Variants in ZNF235 observed in about 807,000 individuals in gnomAD.
The protein encoded by ZNF235 is zfp-93.
In ZNF235, 25 loss-of-function variants were observed where a neutral mutation model predicts 29.4. That is an observed-to-expected ratio of 0.85 (90% CI 0.62 to 1.19). The LOEUF is 1.19. Among genes scored for constraint, ZNF235 ranks in the 50% most tolerant of loss-of-function variants. The pLI is 0.00. For synonymous variants in ZNF235, 300 were observed against 295.3 expected (o/e 1.02, Z -0.16); for missense variants, 788 against 885.0 (o/e 0.89, Z 1.39).
chr19:44,288,180 G>C lies in ZNF235; in HGVS notation c.1255C>G (p.Gln419Glu). ...GKGFTQRSHL[Q>E]AHERIHTGEK... The stretch of plus-strand genomic sequence containing the variant: ...CCAGTGTGAATTCTTTCATGGGCCT[G>C]AAGATGTGATCTCTGAGTGAAGCCC... Residue 419 changes from glutamine to glutamate, a missense_variant, in exon 5 of 5, where the codon CAG becomes GAG. By Grantham distance (29) the Gln-to-Glu change is conservative. Transcript: ENST00000291182. 1 of 1,614,054 alleles carries C rather than the reference G, an allele frequency of 6.2e-7. No homozygotes were observed. The highest frequency in any genetic ancestry group is 8.5e-7 in the Non-Finnish European group (1 of 1,179,994).
intron 2 of ZNF235, among the ~76,000 whole-genome samples, chr19:44,301,280 T>A (rs1486441788): frequency 4.6e-5 from 7 of 152,162 alleles, no homozygotes; most frequent in Admixed American, 2.0e-4. Context: ...ACACTGCACA[T>A]CCCTGCATTT....
In ZNF235 at chr19:44,292,382, C is replaced by CT. The variant is rs900718748; in HGVS notation, c.239-3187dup. Among the ~76,000 whole-genome samples, 43 of 151,194 alleles carry CT rather than the reference C, an allele frequency of 2.8e-4. No individual in the cohort carries two copies. In the Middle Eastern group the frequency reaches 0.01, roughly 36 times the overall value. On this transcript the variant is annotated intron_variant, in intron 4 of 4. Coordinates refer to ENST00000291182, the MANE Select transcript of ZNF235 (RefSeq NM_004234.4). Reference sequence around the variant, plus strand: ...TTACCAAAGAGAAAGAGATAGGTATCTTTTTTTTAAAAAGCCAAACAAATA... The same window carrying CT: ...TTACCAAAGAGAAAGAGATAGGTATCTTTTTTTTTAAAAAGCCAAACAAATA...
intron 4 of ZNF235, among the ~76,000 whole-genome samples, chr19:44,295,831 C>G (rs1439749125): frequency 1.3e-5 from 2 of 152,062 alleles, no homozygotes; most frequent in Admixed American, 1.3e-4. Flanking sequence ...AAAAAACATA[C>G]ACTGGGGAAA....
rs1975784485 is a variant in ZNF235, at chr19:44,303,410, C to T, written c.-6G>A. The T allele has an allele frequency of 1.2e-6, 2 of 1,610,120 alleles. No individual in the cohort carries two copies. The highest frequency in any genetic ancestry group is 1.3e-5 in the African/African-American group (1 of 74,650). ...CTTACCTGGAACTTGGTCATTTTTCCCCTCCTCCTTCTGGGAAAAGGCAGA... is the reference window on the plus strand; with the variant it reads ...CTTACCTGGAACTTGGTCATTTTTCTCCTCCTCCTTCTGGGAAAAGGCAGA... On this transcript the variant is annotated 5_prime_UTR_variant, in exon 2 of 5. Coordinates refer to ENST00000291182, the MANE Select transcript of ZNF235 (RefSeq NM_004234.4).
chr19:44,287,263 T>C lies in ZNF235; in HGVS notation c.2172A>G (p.Ser724=), dbSNP rs1170163381. Residue 724 remains serine (S), a synonymous_variant, in exon 5 of 5, where the codon TCA becomes TCG. Coordinates refer to ENST00000291182, the MANE Select transcript of ZNF235 (RefSeq NM_004234.4). ...DVCCKGFSQR[S]HLIYHQRVHT... is the part of the protein sequence containing the mutation. ...GGACTCTCTGATGGTAGATGAGATGTGACCTCTGACTGAAGCCCTTACAAC... is the reference window on the plus strand; with the variant it reads ...GGACTCTCTGATGGTAGATGAGATGCGACCTCTGACTGAAGCCCTTACAAC... 6.2e-7 allele frequency: 1 copy of C among 1,612,386 alleles called. No individual in the cohort carries two copies. The highest frequency in any genetic ancestry group is 8.5e-7 in the Non-Finnish European group (1 of 1,178,890).
rs1491352405 is a variant in ZNF235 at position 44,302,991 on chromosome 19, AAT to A, written c.15+397_15+398del. On this transcript the variant is annotated intron_variant, in intron 2 of 4. Transcript: ENST00000291182. ...GTATATATGTATATATTTATATATA[AAT>A]ATATACATATATACGTATATATTTA... 9.6e-3 allele frequency among the ~76,000 whole-genome samples: 1,108 copies of A among 114,936 alleles called. 13 individuals are homozygous for A. Among genetic ancestry groups the A allele is most frequent in the African/African-American group, 0.042 (1,037 of 24,482 alleles). The allele number at this position is 114,936 out of a possible 152,430, so 75.4% of individuals were successfully genotyped here.
rs1301126599 is a variant in ZNF235 at position 44,304,980 on chromosome 19, AGAT to A, written c.-61_-59del. On this transcript the variant is annotated 5_prime_UTR_variant, in exon 1 of 5. Transcript: ENST00000291182. ...CCCGGAGCTGACTCACCTCCCTGGG[AGAT>A]ATCTCAGATCCGACCTCGCCTTCCT... 2.0e-6 allele frequency: 2 copies of A among 979,190 alleles called. No individual in the cohort carries two copies. The highest frequency in any genetic ancestry group is 3.5e-5 in the African/African-American group (2 of 57,124). The allele number at this position is 979,190 out of a possible 1,614,324, so 60.7% of individuals were successfully genotyped here.
chr19:44,301,578 T>C (rs1158819573), intron 2 of ZNF235, among the ~76,000 whole-genome samples: 1 of 152,050 alleles, frequency 6.6e-6, no homozygotes, highest in Non-Finnish European at 1.5e-5. Context: ...TCAAGCAATT[T>C]TCCTGCCTCA....
intron 2 of ZNF235, among the ~76,000 whole-genome samples, 171 bp downstream of exon 2, chr19:44,303,217 ATC>A (rs369957318): frequency 1.4e-4 from 19 of 140,456 alleles, no homozygotes; most frequent in African/African-American, 2.3e-4. Context: ...ATATATATAT[ATC>A]TCTCTGTTAA....
rs2123086676 is a variant in ZNF235 at position 44,286,668 on chromosome 19, G to C, written c.*550C>G. On this transcript the variant is annotated 3_prime_UTR_variant, in exon 5 of 5. Transcript: ENST00000291182. ...CTAACGTTATTAAGGCTACTTGCAG[G>C]ATTCCTTTTGAATATAAATTAATAT... 1.3e-5 allele frequency: 2 copies of C among 152,354 alleles called. No homozygotes were observed. Among genetic ancestry groups the C allele is most frequent in the South Asian group, 4.1e-4 (2 of 4,826 alleles). 9.4% of individuals were successfully genotyped at this position (152,354 alleles called of 1,614,324 possible).
intron 4 of ZNF235, chr19:44,290,336 C>A: frequency 6.5e-6 from 1 of 153,054 alleles, no homozygotes; most frequent in Non-Finnish European, 1.5e-5. Context: ...CAGGAGAAGC[C>A]AAAAATTAAG....
chr19:44,304,751 G>T, intron 1 of ZNF235: 2 of 985,468 alleles, frequency 2.0e-6, no homozygotes, highest in Non-Finnish European at 2.4e-6. Flanking sequence ...GGTGCGTGAG[G>T]ACGGCTAGGG....
Position 44,287,740 on chromosome 19 carries a change from G to A in ZNF235, c.1695C>T (p.His565=), listed in dbSNP as rs749894414. ...SLNLHNHQRV[H]TGEKPYKCEE... is the part of the protein sequence containing the mutation. The stretch of plus-strand genomic sequence containing the variant: ...CACATTTGTAGGGTTTCTCTCCGGT[G>A]TGGACTCTCTGATGATTGTGAAGAT... Residue 565 remains histidine, a synonymous_variant, in exon 5 of 5, where the codon CAC becomes CAT. Transcript: ENST00000291182. The A allele has an allele frequency of 9.9e-6, 16 of 1,613,996 alleles. No individual in the cohort carries two copies. The Admixed American group carries it at 2.3e-4, about 24-fold the overall frequency.
At position 44,289,123 on chromosome 19, in the gene ZNF235, T is replaced by A. The variant is rs751992899; in HGVS notation, c.312A>T (p.Ser104=). The A allele has an allele frequency of 1.9e-6, 3 of 1,614,040 alleles. No individual in the cohort carries two copies. Among genetic ancestry groups the A allele is most frequent in the Non-Finnish European group, 2.5e-6 (3 of 1,180,026 alleles). Residue 104 remains serine, a synonymous_variant, in exon 5 of 5, where the codon TCA becomes TCT. Transcript: ENST00000291182. ...CAATGTGTCTCTTGATTTGCCAGCA[T>A]GAAAGCTCTCCCAGTGAAAAGCACC... ...GLRCFSLGEL[S]CWQIKRHIAS...
chr19:44,299,101 A>C (rs1414545372), intron 3 of ZNF235, among the ~76,000 whole-genome samples, 198 bp from the exon 4 acceptor site: 1 of 152,050 alleles, frequency 6.6e-6, no homozygotes, highest in African/African-American at 2.4e-5. Context: ...TATTGAAATA[A>C]AAGGTTAAAG....
intron 1 of ZNF235, 189 bp downstream of exon 1, chr19:44,304,782 A>C: frequency 4.1e-6 from 4 of 985,444 alleles, no homozygotes; most frequent in Non-Finnish European, 4.8e-6. Flanking sequence ...TCAACCTCGA[A>C]GGACGACGCG....
At chr19:44,301,004 AT>A (rs760655055) in intron 2 of ZNF235, among the ~76,000 whole-genome samples, 187 of 148,578 alleles carry the variant, frequency 1.3e-3, no homozygotes, top group Middle Eastern at 0.01. Context: ...AAAACTGGAC[AT>A]TTTTTTTTTT....
chr19:44,287,219 TAC>T lies in ZNF235; in HGVS notation c.2214_2215del (p.Ter739GlufsTer39). On this transcript the variant is annotated frameshift_variant and stop_lost, in exon 5 of 5. Coordinates refer to ENST00000291182, the MANE Select transcript of ZNF235 (RefSeq NM_004234.4). LOFTEE classifies it high-confidence loss of function. ...AAGGCTGAACCACACCTCTCATTTC[TAC>T]AGATTCCCTCCAGTGTGGACTCTCT... The T allele has an allele frequency of 3.8e-6, 6 of 1,586,404 alleles. No individual in the cohort carries two copies. The highest frequency in any genetic ancestry group is 5.2e-6 in the Non-Finnish European group (6 of 1,164,454).
chr19:44,296,689 G>A (rs1323283496), intron 4 of ZNF235, among the ~76,000 whole-genome samples: 1 of 152,050 alleles, frequency 6.6e-6, no homozygotes, highest in African/African-American at 2.4e-5. Context: ...CCCAATAACA[G>A]CAGAATACAC....
Sources: allele counts gnomAD v4.1 joint callset (sites outside exome capture counted in the v4.1 genomes callset), GRCh38; gene constraint gnomAD v4.1.1; transcripts MANE v1.5; gene names NCBI Gene and HGNC (gene_info 2026-07-23, HGNC 2026-07-21).